NFYA: variants seen among roughly 807,000 people sequenced by gnomAD.
The protein encoded by NFYA is CAAT-box DNA binding protein subunit A.
A neutral mutation model predicts 52.8 loss-of-function variants in NFYA; 28 were observed. That is an observed-to-expected ratio of 0.53 (90% CI 0.39 to 0.73). The LOEUF (loss-of-function observed/expected upper bound fraction) is 0.73, where lower values mean the gene tolerates loss of function less well. NFYA is among the 30% of genes least tolerant of loss of function. The pLI is 0.00. For missense variants in NFYA, 234 were observed against 427.0 expected, an observed-to-expected ratio of 0.55 and a Z score of 3.98; for synonymous variants, 150 against 150.7, an observed-to-expected ratio of 1.00 and a Z score of 0.03.
At chr6:41,084,244 G>T (rs1174412566) in intron 4 of NFYA, 52 bp downstream of exon 4, 6 of 1,581,670 alleles carry the variant, frequency 3.8e-6, no homozygotes, top group Non-Finnish European at 5.2e-6. Context: ...AGGTTTCAAA[G>T]AATAGATTAT....
At chr6:41,083,033 T>C (rs1336464131) in intron 3 of NFYA, among the ~76,000 whole-genome samples, 1 of 152,218 alleles carries the variant, frequency 6.6e-6, no homozygotes, top group Non-Finnish European at 1.5e-5. Context: ...GCACATACTT[T>C]CATTAAGTGT....
In NFYA at chr6:41,091,845, A is replaced by G. The variant is rs1214449603; in HGVS notation, c.714+151A>G. On this transcript the variant is annotated intron_variant, in intron 7 of 9. Coordinates refer to ENST00000341376, the MANE Select transcript of NFYA (RefSeq NM_002505.5). ...TACTTTGACAATAACATTATGACAAACCATAATTCATTCTGAGCACCTACT... is the reference window on the plus strand; with the variant it reads ...TACTTTGACAATAACATTATGACAAGCCATAATTCATTCTGAGCACCTACT... The G allele has an allele frequency of 5.9e-6, 5 of 854,194 alleles. No homozygotes were observed. In the African/African-American group the frequency reaches 6.9e-5, roughly 12 times the overall value. 52.9% of individuals were successfully genotyped at this position (854,194 alleles called of 1,614,324 possible).
At chr6:41,091,729 A>G in intron 7 of NFYA, 35 bp downstream of exon 7, 1 of 1,600,400 alleles carries the variant, frequency 6.2e-7, no homozygotes, top group Non-Finnish European at 8.5e-7. Context: ...TGTCTTTGAA[A>G]TTTTCTTGAA....
intron 9 of NFYA, among the ~76,000 whole-genome samples, chr6:41,095,485 G>A (rs564396262): frequency 6.6e-6 from 1 of 152,070 alleles, no homozygotes; most frequent in African/African-American, 2.4e-5. Context: ...TTTTTTGGAG[G>A]CAGTGGTGTG....
At chr6:41,081,358 C>T (rs924526602) in intron 3 of NFYA, among the ~76,000 whole-genome samples, 9 of 151,966 alleles carry the variant, frequency 5.9e-5, no homozygotes, top group Admixed American at 3.9e-4. Flanking sequence ...GGCATGGTGG[C>T]GGGCACCTGT....
chr6:41,084,539 T>C (rs933429055), intron 4 of NFYA, among the ~76,000 whole-genome samples: 3 of 152,174 alleles, frequency 2.0e-5, no homozygotes, highest in African/African-American at 7.2e-5. Context: ...TCCAAATTAA[T>C]TAAGTAGAAA....
chr6:41,076,114 G>T (rs1391536151), intron 1 of NFYA, among the ~76,000 whole-genome samples: 1 of 152,126 alleles, frequency 6.6e-6, no homozygotes, highest in Non-Finnish European at 1.5e-5. Flanking sequence ...TAATAGAATA[G>T]AAAATATCTG....
At chr6:41,080,742 G>T in intron 2 of NFYA, 69 bp from the exon 3 acceptor site, 1 of 1,288,532 alleles carries the variant, frequency 7.8e-7, no homozygotes. Flanking sequence ...AAGAGGTAAG[G>T]TGATCTGTGT....
rs1445523759 is a variant in NFYA at position 41,098,985 on chromosome 6, G to C, written c.*1575G>C. ...GGGTTAAATACCAAGAATAAAAATTGGTTCTTCTTTGACTTCAGCTTAACT... is the reference window on the plus strand; with the variant it reads ...GGGTTAAATACCAAGAATAAAAATTCGTTCTTCTTTGACTTCAGCTTAACT... On this transcript the variant is annotated 3_prime_UTR_variant, in exon 10 of 10. Transcript: ENST00000341376. 1 of 152,162 alleles carries C rather than the reference G, an allele frequency of 6.6e-6. No homozygotes were observed. The highest frequency in any genetic ancestry group is 1.5e-5 in the Non-Finnish European group (1 of 68,020). 9.4% of individuals were successfully genotyped at this position (152,162 alleles called of 1,614,324 possible).
intron 1 of NFYA, among the ~76,000 whole-genome samples, chr6:41,078,333 C>T (rs1763797090): frequency 6.6e-6 from 1 of 152,170 alleles, no homozygotes; most frequent in Admixed American, 6.5e-5. Flanking sequence ...CGATAATGAG[C>T]AGCTCAGTTA....
At chr6:41,084,435 G>C (rs960473544) in intron 4 of NFYA, among the ~76,000 whole-genome samples, 2 of 152,100 alleles carry the variant, frequency 1.3e-5, no homozygotes, top group African/African-American at 4.8e-5. Flanking sequence ...TATATGAAGA[G>C]GTTAGAATCT....
intron 4 of NFYA, among the ~76,000 whole-genome samples, chr6:41,089,338 A>G (rs764595758): frequency 6.6e-6 from 1 of 152,242 alleles, no homozygotes; most frequent in Non-Finnish European, 1.5e-5. Flanking sequence ...TACCACTGCT[A>G]TCTTTCATAA....
rs1764242103 is a variant in NFYA at position 41,093,209 on chromosome 6, C to T, written c.888+124C>T. On this transcript the variant is annotated intron_variant, in intron 8 of 9. Transcript: ENST00000341376. ...ACAATTGACGTTAGATACTTGTTGT[C>T]TCTTTTGTAAGAGTTAGCATTTGTT... is the stretch of plus-strand genomic sequence containing the variant. The T allele has an allele frequency of 4.9e-6, 4 of 823,326 alleles. No individual in the cohort carries two copies. The South Asian group carries it at 8.8e-5, about 18-fold the overall frequency. The allele number at this position is 823,326 out of a possible 1,614,324, so 51.0% of individuals were successfully genotyped here.
intron 1 of NFYA, among the ~76,000 whole-genome samples, chr6:41,078,349 C>T (rs2114087199): frequency 6.6e-6 from 1 of 152,244 alleles, no homozygotes; most frequent in Non-Finnish European, 1.5e-5. Flanking sequence ...AGTTAGGTCA[C>T]GTCATTTTAT....
chr6:41,077,296 T>G (rs1346218154), intron 1 of NFYA, among the ~76,000 whole-genome samples: 1 of 152,112 alleles, frequency 6.6e-6, no homozygotes, highest in African/African-American at 2.4e-5. Context: ...TTTGACAAAT[T>G]TGTACACCTG....
intron 1 of NFYA, among the ~76,000 whole-genome samples, chr6:41,073,665 C>G (rs902672497): frequency 1.2e-4 from 19 of 152,052 alleles, no homozygotes; most frequent in Non-Finnish European, 2.5e-4. Flanking sequence ...CGCGGGGTCC[C>G]GTGTGCGGCT....
At chr6:41,090,098 A>G (rs1159147863) in intron 5 of NFYA, 106 bp from the exon 6 acceptor site, 4 of 723,026 alleles carry the variant, frequency 5.5e-6, no homozygotes, top group East Asian at 5.7e-5. Context: ...CTGGCGACAG[A>G]GTGAGACTCT....
intron 8 of NFYA, among the ~76,000 whole-genome samples, chr6:41,093,968 C>G (rs531260368): frequency 6.6e-6 from 1 of 152,196 alleles, no homozygotes; most frequent in African/African-American, 2.4e-5. Context: ...TGCAGTGATT[C>G]ATGATCATGC....
In NFYA at chr6:41,098,495, C is replaced by G. The variant is rs1268933739; in HGVS notation, c.*1085C>G. On this transcript the variant is annotated 3_prime_UTR_variant, in exon 10 of 10. Coordinates refer to ENST00000341376, the MANE Select transcript of NFYA (RefSeq NM_002505.5). Reference sequence around the variant, plus strand: ...ATGAAGAGAGTAATTCACATTTACTCTAGAACCTTTAACAAGCACTGAAAG... The same window carrying G: ...ATGAAGAGAGTAATTCACATTTACTGTAGAACCTTTAACAAGCACTGAAAG... 6.6e-6 allele frequency: 1 copy of G among 152,336 alleles called. No homozygotes were observed. Among genetic ancestry groups the G allele is most frequent in the Non-Finnish European group, 1.5e-5 (1 of 68,104 alleles). The allele number at this position is 152,336 out of a possible 1,614,324, so 9.4% of individuals were successfully genotyped here.
Sources: gnomAD v4.1 joint callset for allele counts (sites outside exome capture counted in the v4.1 genomes callset) on GRCh38, gnomAD v4.1.1 for gene constraint, MANE v1.5 for transcripts, NCBI Gene and HGNC (gene_info 2026-07-23, HGNC 2026-07-21) for gene names.